MAGI2: variants seen among roughly 807,000 people sequenced by gnomAD.
The protein encoded by MAGI2 is membrane-associated guanylate kinase, WW and PDZ domain-containing protein 2.
A neutral mutation model predicts 133.3 loss-of-function variants in MAGI2; 35 were observed. That is an observed-to-expected ratio of 0.26 (90% CI 0.20 to 0.35). The LOEUF is 0.35. Among genes scored for constraint, MAGI2 ranks in the 10% least tolerant of loss-of-function variants. The pLI is 1.00. For missense variants in MAGI2, 1,636 were observed against 1,863.4 expected (o/e 0.88, Z 2.25); for synonymous variants, 729 against 710.6 (o/e 1.03, Z -0.41).
At chr7:78,198,965 G>A (rs553817244) in intron 11 of MAGI2, among the ~76,000 whole-genome samples, 3 of 152,336 alleles carry the variant, frequency 2.0e-5, no homozygotes, top group Admixed American at 2.0e-4. Context: ...AGCATAAGAT[G>A]TGAATCAGTA....
intron 1 of MAGI2, among the ~76,000 whole-genome samples, chr7:79,389,122 G>A (rs1844419107): frequency 6.6e-6 from 1 of 151,796 alleles, no homozygotes; most frequent in Admixed American, 6.6e-5. Context: ...TATTGATTAA[G>A]TAAGATACCT....
chr7:79,393,357 T>C (rs1844807694), intron 1 of MAGI2, among the ~76,000 whole-genome samples: 1 of 152,190 alleles, frequency 6.6e-6, no homozygotes, highest in Non-Finnish European at 1.5e-5. Context: ...TGTTTTAAAA[T>C]TTGATTTTTT....
At chr7:78,763,255 A>G (rs1460245857) in intron 2 of MAGI2, among the ~76,000 whole-genome samples, 1 of 152,248 alleles carries the variant, frequency 6.6e-6, no homozygotes, top group Non-Finnish European at 1.5e-5. Context: ...TTCCCAGAGT[A>G]GCAACTATAT....
At chr7:79,211,501 C>G (rs530507676) in intron 1 of MAGI2, among the ~76,000 whole-genome samples, 8 of 151,408 alleles carry the variant, frequency 5.3e-5, no homozygotes, top group Non-Finnish European at 8.8e-5. Flanking sequence ...ACTGTGCTGC[C>G]CAGGCTGGTC....
chr7:78,807,350 T>A lies in MAGI2; in HGVS notation c.419-180111A>T, dbSNP rs11763555. On this transcript the variant is annotated intron_variant, in intron 2 of 21. Transcript: ENST00000354212. ...ATATAAATAATATATTTTATGAAAA[T>A]TTAAAAAGCTATTTTTCAAAACATA... Among the ~76,000 whole-genome samples, 498 of 152,284 alleles carry A rather than the reference T, an allele frequency of 3.3e-3. 5 individuals carry two copies. Among genetic ancestry groups the A allele is most frequent in the Non-Finnish European group, 5.9e-3 (399 of 68,020 alleles).
chr7:79,088,895 A>G (rs1816784134), intron 1 of MAGI2, among the ~76,000 whole-genome samples: 1 of 152,110 alleles, frequency 6.6e-6, no homozygotes, highest in African/African-American at 2.4e-5. Flanking sequence ...ATGGGCAAAG[A>G]CTTCATGACT....
intron 5 of MAGI2, chr7:78,490,169 T>C: frequency 2.9e-6 from 1 of 344,700 alleles, no homozygotes; most frequent in Non-Finnish European, 5.2e-6. Context: ...AAGAGCACAG[T>C]CCACAGGCTC....
intron 2 of MAGI2, among the ~76,000 whole-genome samples, chr7:78,860,611 G>A (rs761601190): frequency 4.6e-5 from 7 of 152,188 alleles, no homozygotes; most frequent in South Asian, 4.2e-4. Context: ...TGGAAGCTTC[G>A]TCTCAGAGGG....
intron 1 of MAGI2, among the ~76,000 whole-genome samples, chr7:79,056,096 G>T (rs892505228): frequency 6.6e-6 from 1 of 152,136 alleles, no homozygotes; most frequent in Non-Finnish European, 1.5e-5. Flanking sequence ...TTAAATGAGA[G>T]AACCCTTGCA....
chr7:78,574,389 C>T (rs1802051812), intron 3 of MAGI2, among the ~76,000 whole-genome samples: 1 of 152,186 alleles, frequency 6.6e-6, no homozygotes, highest in Admixed American at 6.5e-5. Flanking sequence ...ATTCCTTGCC[C>T]ATTTCTTTTT....
chr7:79,081,724 T>C (rs1220964523), intron 1 of MAGI2, among the ~76,000 whole-genome samples: 1 of 152,084 alleles, frequency 6.6e-6, no homozygotes, highest in Non-Finnish European at 1.5e-5. Context: ...GTCCCCAGTA[T>C]CAAGAGGGGA....
At chr7:78,326,591 C>T (rs2151137378) in intron 9 of MAGI2, among the ~76,000 whole-genome samples, 1 of 152,268 alleles carries the variant, frequency 6.6e-6, no homozygotes, top group Admixed American at 6.5e-5. Context: ...GGACTCGATC[C>T]CACTCATTTC....
intron 20 of MAGI2, among the ~76,000 whole-genome samples, chr7:78,108,638 CTGTA>C (rs1236817731): frequency 1.2e-3 from 110 of 90,100 alleles, no homozygotes; most frequent in Non-Finnish European, 2.1e-3. Context: ...CTCTCTCTCT[CTGTA>C]TGTGTGTGTG....
chr7:79,226,301 C>A (rs1430694318), intron 1 of MAGI2, among the ~76,000 whole-genome samples: 2 of 152,096 alleles, frequency 1.3e-5, no homozygotes, highest in African/African-American at 2.4e-5. Flanking sequence ...CATTATCAGT[C>A]CTTCCATTTT....
intron 3 of MAGI2, among the ~76,000 whole-genome samples, chr7:78,608,407 G>T (rs1349203593): frequency 2.0e-5 from 3 of 151,496 alleles, no homozygotes; most frequent in African/African-American, 7.3e-5. Flanking sequence ...TTTCTACTTT[G>T]CAAGGTTTTT....
At chr7:78,432,829 T>C (rs1799929082) in intron 6 of MAGI2, among the ~76,000 whole-genome samples, 1 of 152,018 alleles carries the variant, frequency 6.6e-6, no homozygotes, top group Non-Finnish European at 1.5e-5. Flanking sequence ...CTACTTAATA[T>C]GCATATATAA....
intron 1 of MAGI2, among the ~76,000 whole-genome samples, chr7:79,299,554 C>CAAAAAAAAAAAAAAAAAAAAA (rs57740248): frequency 1.2e-5 from 1 of 84,710 alleles, no homozygotes; most frequent in African/African-American, 4.6e-5. Context: ...GACTCCATCT[C>CAAAAAAAAAAAAAAAAAAAAA]AAAAAAAAAA....
chr7:78,099,417 C>G (rs1818004839), intron 20 of MAGI2, among the ~76,000 whole-genome samples: 1 of 152,088 alleles, frequency 6.6e-6, no homozygotes, highest in Non-Finnish European at 1.5e-5. Flanking sequence ...CTATTCCAGC[C>G]TATTCAAAAA....
chr7:78,082,585 T>G (rs1680590196), intron 20 of MAGI2, among the ~76,000 whole-genome samples: 1 of 152,148 alleles, frequency 6.6e-6, no homozygotes, highest in Non-Finnish European at 1.5e-5. Context: ...ATCAGTGCCA[T>G]TGGGTGGTGA....
Sources: gnomAD v4.1 joint callset for allele counts (sites outside exome capture counted in the v4.1 genomes callset) on GRCh38, gnomAD v4.1.1 for gene constraint, MANE v1.5 for transcripts, NCBI Gene and HGNC (gene_info 2026-07-23, HGNC 2026-07-21) for gene names.